The following CPNE8 variants were observed in gnomAD, a reference collection of about 807,000 sequenced individuals.
The protein encoded by CPNE8 is copine-8.
A neutral mutation model predicts 81.5 loss-of-function variants in CPNE8; 45 were observed. The ratio of observed to expected loss-of-function variants is 0.55; its 90% confidence interval spans 0.44 to 0.71. CPNE8 has a LOEUF of 0.71. CPNE8 is among the 30% of genes least tolerant of loss of function. The pLI is 0.00. For missense variants in CPNE8, 594 were observed against 672.1 expected, an observed-to-expected ratio of 0.88 and a Z score of 1.28; for synonymous variants, 252 against 226.3, an observed-to-expected ratio of 1.11 and a Z score of -1.02.
intron 10 of CPNE8, among the ~76,000 whole-genome samples, chr12:38,732,347 C>G (rs10876005): frequency 0.46 from 69,072 of 151,742 alleles, 16,136 homozygotes; most frequent in East Asian, 0.56. Flanking sequence ...TAACAAATCC[C>G]GACCCAACTG....
chr12:38,896,003 G>T (rs1411235257), intron 1 of CPNE8, among the ~76,000 whole-genome samples: 8 of 151,900 alleles, frequency 5.3e-5, no homozygotes, highest in African/African-American at 1.7e-4. Context: ...CCTCTTTTCA[G>T]AATTGCAAGG....
At chr12:38,700,101 G>A (rs1939902351) in intron 14 of CPNE8, among the ~76,000 whole-genome samples, 1 of 152,086 alleles carries the variant, frequency 6.6e-6, no homozygotes, top group Non-Finnish European at 1.5e-5. Flanking sequence ...CCAGTATAAT[G>A]TTCAATAGAA....
intron 6 of CPNE8, among the ~76,000 whole-genome samples, chr12:38,796,103 T>C (rs1942464398): frequency 6.6e-6 from 1 of 152,014 alleles, no homozygotes; most frequent in Non-Finnish European, 1.5e-5. Flanking sequence ...CTACCACAAA[T>C]ATAACATGGC....
chr12:38,832,114 C>T (rs564236586), intron 5 of CPNE8, among the ~76,000 whole-genome samples: 1 of 152,144 alleles, frequency 6.6e-6, no homozygotes, highest in South Asian at 2.1e-4. Context: ...GTATCAAAGG[C>T]CACACACACA....
intron 19 of CPNE8, among the ~76,000 whole-genome samples, chr12:38,660,037 G>A (rs540545712): frequency 6.6e-6 from 1 of 152,242 alleles, no homozygotes; most frequent in African/African-American, 2.4e-5. Context: ...TGGCCATACT[G>A]CCCAAGGCAA....
intron 6 of CPNE8, among the ~76,000 whole-genome samples, chr12:38,802,715 G>C (rs1018692483): frequency 9.2e-5 from 14 of 151,808 alleles, no homozygotes; most frequent in South Asian, 4.2e-4. Context: ...AATGAATCCA[G>C]GAGCTGGTTT....
intron 6 of CPNE8, among the ~76,000 whole-genome samples, chr12:38,777,072 G>T (rs35749392): frequency 0.3 from 44,482 of 150,752 alleles, 7,842 homozygotes; most frequent in Middle Eastern, 0.39. Context: ...CCTCATTTAG[G>T]TCCTGCAGAT....
At chr12:38,733,333 TTA>T (rs1486579402) in intron 10 of CPNE8, among the ~76,000 whole-genome samples, 1 of 151,954 alleles carries the variant, frequency 6.6e-6, no homozygotes, top group Non-Finnish European at 1.5e-5. Flanking sequence ...CTGATTTTTA[TTA>T]TATTTTACAC....
chr12:38,665,738 T>G (rs1196782983), intron 19 of CPNE8, among the ~76,000 whole-genome samples: 1 of 152,174 alleles, frequency 6.6e-6, no homozygotes, highest in Non-Finnish European at 1.5e-5. Flanking sequence ...CAATGGCCAA[T>G]CCACAGCATA....
chr12:38,756,039 CA>C lies in CPNE8; in HGVS notation c.722+4807del, dbSNP rs60851774. ...TGGGCGACAGAGCGAGACTCCGTCT[CA>C]AAAAAAAAAAAAAAAGAACAGGTAA... On this transcript the variant is annotated intron_variant, in intron 10 of 19. Transcript: ENST00000331366. Among the ~76,000 whole-genome samples, 35 of 82,358 alleles carry C rather than the reference CA, an allele frequency of 4.2e-4. No individual in the cohort carries two copies. In the East Asian group the frequency reaches 5.9e-3, roughly 14 times the overall value. 54.0% of individuals were successfully genotyped at this position (82,358 alleles called of 152,430 possible).
intron 10 of CPNE8, among the ~76,000 whole-genome samples, chr12:38,753,297 C>T (rs1941390333): frequency 6.6e-6 from 1 of 151,882 alleles, no homozygotes; most frequent in Non-Finnish European, 1.5e-5. Context: ...AATAAAAATA[C>T]AAAAATTAGC....
intron 6 of CPNE8, among the ~76,000 whole-genome samples, chr12:38,786,782 AG>A (rs1016715239): frequency 1.3e-5 from 2 of 152,156 alleles, no homozygotes; most frequent in African/African-American, 4.8e-5. Context: ...CAATTAAGCA[AG>A]GGAGTCTAGC....
At chr12:38,781,154 A>G (rs963776903) in intron 6 of CPNE8, among the ~76,000 whole-genome samples, 1 of 152,056 alleles carries the variant, frequency 6.6e-6, no homozygotes, top group Admixed American at 6.6e-5. Flanking sequence ...ACAATTATTT[A>G]AGTACTTTAT....
intron 1 of CPNE8, among the ~76,000 whole-genome samples, chr12:38,881,928 C>A (rs920831862): frequency 2.0e-5 from 3 of 152,154 alleles, no homozygotes; most frequent in Admixed American, 1.3e-4. Context: ...AGACTGAGAG[C>A]AGGATATGGG....
Position 38,767,663 on chromosome 12 carries a change from C to T in CPNE8, c.547G>A (p.Val183Ile), listed in dbSNP as rs372598158. 3.8e-6 allele frequency: 6 copies of T among 1,563,950 alleles called. No individual in the cohort carries two copies. The highest frequency in any genetic ancestry group is 5.2e-6 in the Non-Finnish European group (6 of 1,161,546). The change falls in exon 8 of 20, where the codon GTA (valine) becomes ATA (isoleucine). Residue 183 changes from valine to isoleucine, a missense_variant. Transcript: ENST00000331366. Reference sequence around the variant, plus strand: ...CCATCTTCATTACTTCGATAAAATACAAGGAAAGGATCTGATTTTCCAAAG... The same window carrying T: ...CCATCTTCATTACTTCGATAAAATATAAGGAAAGGATCTGATTTTCCAAAG... ...DFFGKSDPFL[V>I]FYRSNEDGSF...
At chr12:38,755,308 C>G (rs1045051626) in intron 10 of CPNE8, among the ~76,000 whole-genome samples, 27 of 152,134 alleles carry the variant, frequency 1.8e-4, no homozygotes, top group African/African-American at 5.8e-4. Context: ...ACTAACTCAG[C>G]CTTTTCATCA....
chr12:38,723,207 T>G (rs1401535663), intron 13 of CPNE8, among the ~76,000 whole-genome samples: 1 of 152,136 alleles, frequency 6.6e-6, no homozygotes, highest in African/African-American at 2.4e-5. Flanking sequence ...AATACTTCCC[T>G]ATTTATGAGG....
intron 14 of CPNE8, among the ~76,000 whole-genome samples, chr12:38,697,272 T>G (rs1226781490): frequency 2.0e-5 from 3 of 152,190 alleles, no homozygotes; most frequent in African/African-American, 7.2e-5. Flanking sequence ...ACATAACATG[T>G]GATCTTTTGT....
intron 18 of CPNE8, among the ~76,000 whole-genome samples, chr12:38,674,744 G>A (rs1194309136): frequency 6.6e-6 from 1 of 152,154 alleles, no homozygotes; most frequent in African/African-American, 2.4e-5. Flanking sequence ...TGCCTGTGGT[G>A]CTTTACCTGA....
Sources: allele counts gnomAD v4.1 joint callset (sites outside exome capture counted in the v4.1 genomes callset), GRCh38; gene constraint gnomAD v4.1.1; transcripts MANE v1.5; gene names NCBI Gene and HGNC (gene_info 2026-07-23, HGNC 2026-07-21).